GPHN: variants seen among roughly 807,000 people sequenced by gnomAD.
GPHN encodes gephyrin.
Under a neutral mutation model 95.5 loss-of-function variants are expected in GPHN, and 17 were observed. The observed-to-expected ratio is 0.18, with a 90% CI of 0.12 to 0.27. The LOEUF (loss-of-function observed/expected upper bound fraction) is 0.27, where lower values mean the gene tolerates loss of function less well. Among genes scored for constraint, GPHN ranks in the 10% least tolerant of loss-of-function variants. GPHN has a pLI of 1.00. For missense variants in GPHN, 660 were observed against 978.1 expected, an observed-to-expected ratio of 0.67 and a Z score of 4.34; for synonymous variants, 320 against 322.5, an observed-to-expected ratio of 0.99 and a Z score of 0.08.
chr14:67,085,554 T>G (rs1226543905), intron 11 of GPHN, among the ~76,000 whole-genome samples: 1 of 152,174 alleles, frequency 6.6e-6, no homozygotes, highest in Non-Finnish European at 1.5e-5. Flanking sequence ...TGTCTTAGAA[T>G]ATAGGAAGAA....
the GPHN span, among the ~76,000 whole-genome samples, chr14:67,520,346 C>T: frequency 6.6e-6 from 1 of 152,184 alleles, no homozygotes; most frequent in African/African-American, 2.4e-5. Context: ...TCATCTTTCC[C>T]TCCCCCTTAA....
At chr14:67,714,319 T>A in the GPHN span, among the ~76,000 whole-genome samples, 797 of 152,128 alleles carry the variant, frequency 5.2e-3, 6 homozygotes, top group African/African-American at 0.013. Flanking sequence ...TTCATTTTTT[T>A]AGTAGAGCTG....
At chr14:67,715,406 C>A in the GPHN span, among the ~76,000 whole-genome samples, 1 of 152,220 alleles carries the variant, frequency 6.6e-6, no homozygotes, top group Non-Finnish European at 1.5e-5. Context: ...AGAGGCATTT[C>A]TTTATCTGTC....
intron 11 of GPHN, among the ~76,000 whole-genome samples, chr14:67,084,904 T>A (rs1219293662): frequency 6.6e-6 from 1 of 152,232 alleles, no homozygotes; most frequent in African/African-American, 2.4e-5. Context: ...TCATACTTTG[T>A]ATCAGAAACT....
intron 1 of GPHN, among the ~76,000 whole-genome samples, chr14:66,660,701 C>T (rs544533044): frequency 1.3e-5 from 2 of 152,160 alleles, no homozygotes; most frequent in South Asian, 2.1e-4. Context: ...ACGAAAGGGA[C>T]GAGTAAATGC....
At chr14:67,178,889 G>T (rs1014164799) in intron 21 of GPHN, among the ~76,000 whole-genome samples, 2 of 152,072 alleles carry the variant, frequency 1.3e-5, no homozygotes, top group Non-Finnish European at 2.9e-5. Context: ...AAACCTTAAG[G>T]CCAGAAGGGA....
At chr14:66,832,588 A>ATTT (rs531455813) in intron 4 of GPHN, among the ~76,000 whole-genome samples, 25 of 148,688 alleles carry the variant, frequency 1.7e-4, no homozygotes, top group African/African-American at 5.4e-4. Flanking sequence ...TGAAAGCAGA[A>ATTT]TTTTTTTTTT....
At chr14:66,807,261 T>A (rs2060582207) in intron 3 of GPHN, among the ~76,000 whole-genome samples, 1 of 152,042 alleles carries the variant, frequency 6.6e-6, no homozygotes, top group African/African-American at 2.4e-5. Flanking sequence ...TCCCACCAGG[T>A]CCCTCCCACA....
At chr14:66,800,006 A>C (rs2060287738) in intron 3 of GPHN, among the ~76,000 whole-genome samples, 1 of 151,918 alleles carries the variant, frequency 6.6e-6, no homozygotes, top group African/African-American at 2.4e-5. Flanking sequence ...TGCAAATACT[A>C]TCTTATAACA....
chr14:67,542,192 C>T, the GPHN span, among the ~76,000 whole-genome samples: 3 of 152,230 alleles, frequency 2.0e-5, no homozygotes, highest in African/African-American at 4.8e-5. Context: ...TCTTTGCTCG[C>T]TCATTAAGGC....
intron 4 of GPHN, among the ~76,000 whole-genome samples, chr14:66,851,421 C>A (rs991965515): frequency 8.6e-5 from 13 of 151,934 alleles, no homozygotes; most frequent in African/African-American, 3.1e-4. Context: ...TTTTACCGAA[C>A]TTTGTATAAG....
chr14:66,966,431 T>C (rs1367261150), intron 9 of GPHN, among the ~76,000 whole-genome samples: 2 of 152,054 alleles, frequency 1.3e-5, no homozygotes, highest in Non-Finnish European at 2.9e-5. Flanking sequence ...TTTAAAAAAC[T>C]GAGGTCCTGA....
intron 2 of GPHN, among the ~76,000 whole-genome samples, chr14:66,753,805 A>G (rs1449355151): frequency 6.6e-6 from 1 of 152,092 alleles, no homozygotes; most frequent in Non-Finnish European, 1.5e-5. Context: ...ACCACAATGT[A>G]ATTTCAAACA....
chr14:67,089,125 CTTTTTTTCTTTTTTTTTTTT>C, intron 12 of GPHN, 50 bp downstream of exon 12: 3 of 326,490 alleles, frequency 9.2e-6, no homozygotes, highest in South Asian at 2.9e-5. Flanking sequence ...ATTTTTTTTT[CTTTTTTTCTTTTTTTTTTTT>C]TTTTTTTTTT....
At chr14:66,568,246 T>G (rs1455491977) in intron 1 of GPHN, among the ~76,000 whole-genome samples, 3 of 152,188 alleles carry the variant, frequency 2.0e-5, no homozygotes, top group Admixed American at 6.5e-5. Context: ...TAAATAATCA[T>G]TCACCATATT....
chr14:67,036,442 T>A (rs2074424953), intron 10 of GPHN, among the ~76,000 whole-genome samples: 1 of 150,568 alleles, frequency 6.6e-6, no homozygotes, highest in South Asian at 2.1e-4. Context: ...ATTATCTCTG[T>A]TTCCAGATGA....
the GPHN span, chr14:67,722,746 C>T: frequency 2.6e-6 from 4 of 1,532,642 alleles, no homozygotes; most frequent in Non-Finnish European, 9.0e-7. Context: ...CAATCGTTTA[C>T]AAAGACCTGC....
chr14:66,962,289 A>G lies in GPHN; in HGVS notation c.829-2902A>G, dbSNP rs906701494. Among the ~76,000 whole-genome samples, 4 of 149,664 alleles carry G rather than the reference A, an allele frequency of 2.7e-5. No individual in the cohort carries two copies. In the East Asian group the frequency reaches 7.7e-4, roughly 29 times the overall value. On this transcript the variant is annotated intron_variant, in intron 8 of 22. Transcript: ENST00000478722. ...TTATTTCTGTAACTTCAACAACTGT[A>G]TATCTGCAATAATTTCTAAGTCTGT...
At chr14:66,896,235 C>T (rs1266951632) in intron 5 of GPHN, among the ~76,000 whole-genome samples, 1 of 151,876 alleles carries the variant, frequency 6.6e-6, no homozygotes, top group Non-Finnish European at 1.5e-5. Flanking sequence ...CTATATAAAA[C>T]GATAAAAATA....
Sources: allele counts gnomAD v4.1 joint callset (sites outside exome capture counted in the v4.1 genomes callset), GRCh38; gene constraint gnomAD v4.1.1; transcripts MANE v1.5; gene names NCBI Gene and HGNC (gene_info 2026-07-23, HGNC 2026-07-21).